Variants in PHTF2 observed in about 807,000 individuals in gnomAD.
PHTF2 encodes the protein putative homeodomain transcription factor 2.
In PHTF2, 60 loss-of-function variants were observed where a neutral mutation model predicts 101.2. That is an observed-to-expected ratio of 0.59 (90% confidence interval 0.48 to 0.73). The LOEUF (loss-of-function observed/expected upper bound fraction) is 0.73, where lower values mean the gene tolerates loss of function less well. PHTF2 is among the 30% of genes least tolerant of loss of function. PHTF2 has a pLI of 0.00. For missense variants in PHTF2, 747 were observed against 908.7 expected (o/e 0.82, Z 2.29); for synonymous variants, 311 against 307.3 (o/e 1.01, Z -0.13).
At chr7:77,896,440 C>T (rs1800883936) in intron 5 of PHTF2, among the ~76,000 whole-genome samples, 1 of 152,076 alleles carries the variant, frequency 6.6e-6, no homozygotes, top group Admixed American at 6.6e-5. Context: ...TGCAGTCCCA[C>T]CTACTTGAGA....
At chr7:77,952,727 A>G (rs575423598) in intron 18 of PHTF2, among the ~76,000 whole-genome samples, 2 of 152,360 alleles carry the variant, frequency 1.3e-5, no homozygotes, top group African/African-American at 4.8e-5. Context: ...AGAGCAAAGT[A>G]TAAAAATGAC....
intron 1 of PHTF2, among the ~76,000 whole-genome samples, chr7:77,827,356 A>G (rs1794759855): frequency 6.6e-6 from 1 of 151,878 alleles, no homozygotes; most frequent in Non-Finnish European, 1.5e-5. Flanking sequence ...TTTTATTTTT[A>G]TTTATTTATT....
At chr7:77,885,170 C>T (rs539909682) in intron 3 of PHTF2, among the ~76,000 whole-genome samples, 46 of 152,096 alleles carry the variant, frequency 3.0e-4, no homozygotes, top group African/African-American at 9.6e-4. Context: ...CATAGCTTAC[C>T]GTAGCCTCGA....
chr7:77,909,153 G>A (rs1260005492), intron 8 of PHTF2, 195 bp downstream of exon 7: 7 of 437,578 alleles, frequency 1.6e-5, no homozygotes, highest in Admixed American at 1.2e-4. Context: ...AAGACCACAT[G>A]CCTGTGTTTT....
chr7:77,932,820 T>G (rs982755559), intron 12 of PHTF2, among the ~76,000 whole-genome samples: 2 of 152,146 alleles, frequency 1.3e-5, no homozygotes. Flanking sequence ...AAGCATTTAC[T>G]TATGCCACAC....
intron 1 of PHTF2, among the ~76,000 whole-genome samples, chr7:77,832,821 T>A (rs1334596607): frequency 6.6e-6 from 1 of 151,886 alleles, no homozygotes; most frequent in Admixed American, 6.6e-5. Context: ...TATAATGTAA[T>A]AATAATAGAA....
intron 16 of PHTF2, among the ~76,000 whole-genome samples, chr7:77,944,525 A>G (rs1359538679): frequency 6.6e-6 from 1 of 152,236 alleles, no homozygotes; most frequent in Admixed American, 6.5e-5. Flanking sequence ...GTTAATATAA[A>G]AAGTGGTCCT....
At chr7:77,831,393 A>T (rs1385352616) in intron 1 of PHTF2, among the ~76,000 whole-genome samples, 2 of 152,216 alleles carry the variant, frequency 1.3e-5, no homozygotes, top group Admixed American at 6.5e-5. Context: ...GCTGTTAAGG[A>T]CATTTGTTAC....
chr7:77,842,471 A>AT (rs943545304), intron 2 of PHTF2, among the ~76,000 whole-genome samples: 2 of 151,852 alleles, frequency 1.3e-5, no homozygotes, highest in Admixed American at 6.6e-5. Context: ...GATTTGCTCT[A>AT]TTTTTTTCCT....
chr7:77,825,103 A>AT (rs199538048), intron 1 of PHTF2, among the ~76,000 whole-genome samples: 2,043 of 152,196 alleles, frequency 0.013, 51 homozygotes, highest in African/African-American at 0.046. Flanking sequence ...GGGGTCACAG[A>AT]TTTTTTCTTC....
At chr7:77,935,729 C>T (rs993468716) in intron 12 of PHTF2, among the ~76,000 whole-genome samples, 4 of 152,140 alleles carry the variant, frequency 2.6e-5, no homozygotes, top group African/African-American at 7.2e-5. Context: ...ATTGATATTC[C>T]TTTCTTCATG....
exon 8 of PHTF2, chr7:77,908,797 T>C: frequency 6.4e-7 from 1 of 1,573,044 alleles, no homozygotes; most frequent in Non-Finnish European, 8.6e-7. Flanking sequence ...TTATAGTTGC[T>C]GCAATAGTAT....
intron 1 of PHTF2, among the ~76,000 whole-genome samples, chr7:77,836,119 CAAAA>C (rs1210225270): frequency 6.2e-5 from 4 of 64,490 alleles, no homozygotes; most frequent in African/African-American, 1.1e-4. Flanking sequence ...AACTCCATCT[CAAAA>C]AAAAAAAAAA....
chr7:77,841,075 C>CTTTTTTT (rs57283892), intron 2 of PHTF2, among the ~76,000 whole-genome samples: 1,179 of 77,196 alleles, frequency 0.015, 195 homozygotes, highest in African/African-American at 0.021. Flanking sequence ...AAAAAACAGA[C>CTTTTTTT]TTTTTTTTTT....
chr7:77,823,889 CT>C (rs1212493128), intron 1 of PHTF2, among the ~76,000 whole-genome samples: 1 of 152,248 alleles, frequency 6.6e-6, no homozygotes, highest in East Asian at 1.9e-4. Context: ...TGATTAAACT[CT>C]TTTCTTTGGC....
chr7:77,949,048 A>G (rs994808840), intron 16 of PHTF2, among the ~76,000 whole-genome samples: 6 of 152,202 alleles, frequency 3.9e-5, no homozygotes, highest in African/African-American at 1.4e-4. Flanking sequence ...GGGTTGACCA[A>G]TAAGTTGTGG....
chr7:77,936,191 T>A (rs1805109778), intron 12 of PHTF2, among the ~76,000 whole-genome samples: 1 of 152,212 alleles, frequency 6.6e-6, no homozygotes, highest in Non-Finnish European at 1.5e-5. Flanking sequence ...AATGCAACTT[T>A]ACTCCCCCTA....
chr7:77,800,183 A>G (rs969473541), intron 1 of PHTF2, among the ~76,000 whole-genome samples: 1 of 152,230 alleles, frequency 6.6e-6, no homozygotes, highest in African/African-American at 2.4e-5. Context: ...ACAGTATAAC[A>G]ATTTGAAATC....
intron 9 of PHTF2, among the ~76,000 whole-genome samples, chr7:77,915,036 C>G (rs567197627): frequency 1.3e-5 from 2 of 151,172 alleles, no homozygotes; most frequent in South Asian, 2.1e-4. Context: ...CTCAGCCTCC[C>G]GAGTAGCTGG....
Sources: allele counts gnomAD v4.1 joint callset (sites outside exome capture counted in the v4.1 genomes callset), GRCh38; gene constraint gnomAD v4.1.1; transcripts MANE v1.5; gene names NCBI Gene and HGNC (gene_info 2026-07-23, HGNC 2026-07-21).